RAD51B: variants seen among roughly 807,000 people sequenced by gnomAD.
RAD51B encodes DNA repair protein RAD51 homolog 2.
RAD51B carries 38 observed loss-of-function variants against 42.2 expected under a neutral mutation model. The observed-to-expected ratio is 0.90, with a 90% confidence interval of 0.70 to 1.18. RAD51B has a LOEUF of 1.18. Among genes scored for constraint, RAD51B ranks in the 50% most tolerant of loss-of-function variants. The probability of loss-of-function intolerance (pLI) is 0.00; values close to 1 mark genes in which losing one functional copy is unlikely to be tolerated. For synonymous variants in RAD51B, 154 were observed against 145.2 expected, an observed-to-expected ratio of 1.06 and a Z score of -0.43; for missense variants, 373 against 400.7, an observed-to-expected ratio of 0.93 and a Z score of 0.59.
At chr14:68,597,208 A>G (rs1184173601), downstream of RAD51B, among the ~76,000 whole-genome samples, 1 of 152,190 alleles carries the variant, frequency 6.6e-6, no homozygotes, top group Admixed American at 6.5e-5. Flanking sequence ...CCTACAGCAG[A>G]GAAATAAACT....
At chr14:67,944,660 A>G (rs1346066256) in intron 7 of RAD51B, among the ~76,000 whole-genome samples, 1 of 152,202 alleles carries the variant, frequency 6.6e-6, no homozygotes, top group East Asian at 1.9e-4. Context: ...TCACTTTTCT[A>G]GGTAAATAAA....
chr14:68,143,037 T>C lies in RAD51B; in HGVS notation c.757-148847T>C, dbSNP rs111905316. Among the ~76,000 whole-genome samples the C allele has an allele frequency of 1.3e-3, 193 of 151,626 alleles. 1 individual carries two copies. Among genetic ancestry groups the C allele is most frequent in the Non-Finnish European group, 2.2e-3 (151 of 67,914 alleles). ...CGAGGGGGTGGGGGGGGAGTTATTA[T>C]GCTGTCTGAGATGGAGTCCTAAAGG... is the stretch of plus-strand genomic sequence containing the variant. On this transcript the variant is annotated intron_variant, in intron 7 of 10. Coordinates refer to ENST00000471583, the MANE Select transcript of RAD51B (RefSeq NM_133510.4).
intron 10 of RAD51B, among the ~76,000 whole-genome samples, chr14:68,515,831 G>A (rs1886113792): frequency 2.1e-5 from 3 of 145,324 alleles, no homozygotes; most frequent in African/African-American, 5.1e-5. Context: ...AGGCTGGAGT[G>A]CTGGAGTGCA....
chr14:67,913,811 T>C (rs1488529975), intron 7 of RAD51B, among the ~76,000 whole-genome samples: 1 of 152,046 alleles, frequency 6.6e-6, no homozygotes, highest in Non-Finnish European at 1.5e-5. Context: ...TATACTGTTT[T>C]AGTTATTTTT....
intron 8 of RAD51B, among the ~76,000 whole-genome samples, chr14:68,391,142 C>CTT (rs1387142253): frequency 7.3e-6 from 1 of 137,528 alleles, no homozygotes. Context: ...ACTTGTCTTT[C>CTT]TTTCTTTCTT....
chr14:67,886,528 G>A (rs2043066485), intron 6 of RAD51B: 2 of 221,298 alleles, frequency 9.0e-6, no homozygotes, highest in Non-Finnish European at 9.0e-6. Flanking sequence ...TCACAACATA[G>A]CAAGTTGCTT....
At chr14:68,444,104 C>T (rs758234007) in intron 9 of RAD51B, among the ~76,000 whole-genome samples, 13 of 152,150 alleles carry the variant, frequency 8.5e-5, no homozygotes, top group Non-Finnish European at 1.3e-4. Flanking sequence ...GAATGAAGAA[C>T]GGGTGTTCTC....
chr14:68,157,182 G>A (rs572169933), intron 7 of RAD51B, among the ~76,000 whole-genome samples: 1 of 152,230 alleles, frequency 6.6e-6, no homozygotes, highest in Admixed American at 6.5e-5. Flanking sequence ...AGTTGACAGA[G>A]CAAGAGCCTA....
At chr14:68,513,037 GA>G (rs34549669) in intron 10 of RAD51B, among the ~76,000 whole-genome samples, 1 of 152,106 alleles carries the variant, frequency 6.6e-6, no homozygotes, top group Non-Finnish European at 1.5e-5. Context: ...GGAGTAGAGT[GA>G]AAAAAGGGGA....
chr14:68,198,500 G>A (rs1019444073), intron 7 of RAD51B, among the ~76,000 whole-genome samples: 1 of 152,122 alleles, frequency 6.6e-6, no homozygotes, highest in African/African-American at 2.4e-5. Flanking sequence ...CACTGGGATT[G>A]TAATGAATCT....
At chr14:68,140,491 A>C (rs2078105592) in intron 7 of RAD51B, among the ~76,000 whole-genome samples, 1 of 152,226 alleles carries the variant, frequency 6.6e-6, no homozygotes, top group African/African-American at 2.4e-5. Context: ...TGTTACCTCC[A>C]CCAAGGCATT....
At chr14:68,431,688 T>C (rs1227770194) in intron 9 of RAD51B, among the ~76,000 whole-genome samples, 1 of 152,138 alleles carries the variant, frequency 6.6e-6, no homozygotes, top group Non-Finnish European at 1.5e-5. Flanking sequence ...TTTGTTGATC[T>C]TTTCAAAAAA....
At chr14:68,379,991 T>A (rs1354814401) in intron 8 of RAD51B, among the ~76,000 whole-genome samples, 3 of 152,250 alleles carry the variant, frequency 2.0e-5, no homozygotes, top group African/African-American at 7.2e-5. Context: ...TACGATTGCA[T>A]TGTGTATAAA....
intron 7 of RAD51B, among the ~76,000 whole-genome samples, chr14:68,149,302 A>G (rs982464766): frequency 2.6e-5 from 4 of 151,862 alleles, no homozygotes; most frequent in East Asian, 1.9e-4. Context: ...ATTTTTTTCT[A>G]TGTTATCGTC....
chr14:68,025,863 T>C (rs1055044032), intron 7 of RAD51B, among the ~76,000 whole-genome samples: 3 of 152,084 alleles, frequency 2.0e-5, no homozygotes, highest in Non-Finnish European at 4.4e-5. Context: ...CTCAATTTCA[T>C]TCAGTTTTTC....
intron 8 of RAD51B, among the ~76,000 whole-genome samples, chr14:68,356,160 C>T (rs1431736108): frequency 1.3e-5 from 2 of 152,172 alleles, no homozygotes; most frequent in African/African-American, 4.8e-5. Flanking sequence ...TGGCCGGGCG[C>T]GGTGGCTCAC....
intron 7 of RAD51B, among the ~76,000 whole-genome samples, chr14:68,133,096 T>C (rs10134320): frequency 0.099 from 15,125 of 152,172 alleles, 2,243 homozygotes; most frequent in African/African-American, 0.32. Flanking sequence ...AATATAGTAA[T>C]TGCATGTATT....
Position 68,466,991 on chromosome 14 carries a change from A to G in RAD51B, c.958-1181A>G, listed in dbSNP as rs189995104. On this transcript the variant is annotated intron_variant, in intron 9 of 10. Coordinates refer to ENST00000471583, the MANE Select transcript of RAD51B (RefSeq NM_133510.4). ...GAATTAAGATAGGCCAAGATATTAT[A>G]TATAAGCCTTTTGATCATTTGAAAT... 1.2e-4 allele frequency among the ~76,000 whole-genome samples: 18 copies of G among 152,328 alleles called. 1 individual carries two copies. Among genetic ancestry groups the G allele is most frequent in the Admixed American group, 3.9e-4 (6 of 15,298 alleles).
At chr14:68,263,685 A>G (rs2080930930) in intron 7 of RAD51B, among the ~76,000 whole-genome samples, 1 of 152,206 alleles carries the variant, frequency 6.6e-6, no homozygotes, top group Non-Finnish European at 1.5e-5. Context: ...CAGACTTTCA[A>G]TTCGGAAACT....
Sources: gnomAD v4.1 joint callset for allele counts (sites outside exome capture counted in the v4.1 genomes callset) on GRCh38, gnomAD v4.1.1 for gene constraint, MANE v1.5 for transcripts, NCBI Gene and HGNC (gene_info 2026-07-23, HGNC 2026-07-21) for gene names.